The following MACROD2 variants were observed in gnomAD, a reference collection of about 807,000 sequenced individuals.
MACROD2 encodes ADP-ribose glycohydrolase MACROD2.
In MACROD2, 36 loss-of-function variants were observed where a neutral mutation model predicts 70.4. The ratio of observed to expected loss-of-function variants is 0.51; its 90% CI spans 0.39 to 0.68. The LOEUF is 0.68. Ranked by LOEUF, MACROD2 falls within the 30% of genes least tolerant of loss-of-function variation. MACROD2 has a pLI of 0.00. For synonymous variants in MACROD2, 172 were observed against 178.8 expected, an observed-to-expected ratio of 0.96 and a Z score of 0.30; for missense variants, 496 against 538.4, an observed-to-expected ratio of 0.92 and a Z score of 0.78.
At chr20:15,065,430 C>G (rs184508179) in intron 5 of MACROD2, among the ~76,000 whole-genome samples, 3 of 151,900 alleles carry the variant, frequency 2.0e-5, no homozygotes, top group Admixed American at 1.3e-4. Context: ...CCGAGGCGGG[C>G]GGATCACAAG....
intron 7 of MACROD2, among the ~76,000 whole-genome samples, chr20:15,432,535 C>T (rs1390159572): frequency 1.3e-5 from 2 of 152,062 alleles, no homozygotes; most frequent in Non-Finnish European, 2.9e-5. Context: ...TTCTTTCTGC[C>T]TCACAAATGC....
chr20:15,567,471 C>A (rs1046945553), intron 8 of MACROD2, among the ~76,000 whole-genome samples: 3 of 152,132 alleles, frequency 2.0e-5, no homozygotes, highest in Admixed American at 6.5e-5. Flanking sequence ...ATAGAGAATG[C>A]GAATACCTCC....
chr20:14,826,747 C>A (rs906899977), intron 5 of MACROD2, among the ~76,000 whole-genome samples: 2 of 152,082 alleles, frequency 1.3e-5, no homozygotes, highest in South Asian at 4.1e-4. Context: ...ACCCTCCAGT[C>A]GAAGTATTCA....
intron 13 of MACROD2, among the ~76,000 whole-genome samples, chr20:15,970,462 G>T (rs1381740020): frequency 6.6e-6 from 1 of 151,994 alleles, no homozygotes; most frequent in South Asian, 2.1e-4. Context: ...AAGAGTAAAA[G>T]TACCAATTAG....
intron 2 of MACROD2, among the ~76,000 whole-genome samples, chr20:14,034,096 C>T (rs926828453): frequency 1.3e-4 from 20 of 152,114 alleles, no homozygotes; most frequent in African/African-American, 4.3e-4. Flanking sequence ...CTCAGCCTCC[C>T]GACTAGTTGG....
chr20:15,471,136 A>G (rs1416408398), intron 7 of MACROD2, among the ~76,000 whole-genome samples: 1 of 151,860 alleles, frequency 6.6e-6, no homozygotes, highest in Non-Finnish European at 1.5e-5. Flanking sequence ...AAATACTGCT[A>G]CTCATATTTT....
chr20:14,734,231 G>C (rs764848023), intron 5 of MACROD2, among the ~76,000 whole-genome samples: 3 of 151,930 alleles, frequency 2.0e-5, no homozygotes, highest in Non-Finnish European at 4.4e-5. Flanking sequence ...GGGCGTGGTG[G>C]CTCACACCTG....
chr20:14,421,437 A>G (rs1299175613), intron 3 of MACROD2, among the ~76,000 whole-genome samples: 3 of 152,060 alleles, frequency 2.0e-5, no homozygotes, highest in Non-Finnish European at 2.9e-5. Flanking sequence ...TCATTTTTCA[A>G]TTTTAGCAGA....
At chr20:15,546,289 C>T (rs1425067058) in intron 8 of MACROD2, among the ~76,000 whole-genome samples, 1 of 152,192 alleles carries the variant, frequency 6.6e-6, no homozygotes, top group Non-Finnish European at 1.5e-5. Flanking sequence ...ATAGCTAACA[C>T]TTCTTGAACG....
chr20:15,889,380 G>A (rs1418741029), intron 10 of MACROD2, among the ~76,000 whole-genome samples: 1 of 152,120 alleles, frequency 6.6e-6, no homozygotes, highest in Non-Finnish European at 1.5e-5. Flanking sequence ...TACAAGGCAG[G>A]AACTGTTATT....
At chr20:14,133,150 C>T (rs2148700681) in intron 3 of MACROD2, among the ~76,000 whole-genome samples, 1 of 152,234 alleles carries the variant, frequency 6.6e-6, no homozygotes, top group Non-Finnish European at 1.5e-5. Flanking sequence ...GAGGCCCATC[C>T]CATTACCCTG....
At chr20:15,549,785 A>G (rs2146584643) in intron 8 of MACROD2, among the ~76,000 whole-genome samples, 1 of 152,246 alleles carries the variant, frequency 6.6e-6, no homozygotes, top group South Asian at 2.1e-4. Context: ...GACTGTGGGC[A>G]TATTCAGTCA....
At chr20:15,468,266 G>A (rs1362149002) in intron 7 of MACROD2, among the ~76,000 whole-genome samples, 1 of 151,774 alleles carries the variant, frequency 6.6e-6, no homozygotes, top group Non-Finnish European at 1.5e-5. Flanking sequence ...CATGTCAAGA[G>A]GATACTTCCT....
chr20:14,333,799 G>T (rs1465049566), intron 3 of MACROD2, among the ~76,000 whole-genome samples: 1 of 152,092 alleles, frequency 6.6e-6, no homozygotes, highest in Non-Finnish European at 1.5e-5. Flanking sequence ...TCCAAGCAGG[G>T]TATTACTTAA....
chr20:15,802,019 A>G (rs2063730953), intron 8 of MACROD2, among the ~76,000 whole-genome samples: 1 of 152,144 alleles, frequency 6.6e-6, no homozygotes, highest in South Asian at 2.1e-4. Flanking sequence ...GTTGGTGTTT[A>G]GAAATGCTAC....
At chr20:14,012,197 G>A (rs1410170763) in intron 2 of MACROD2, among the ~76,000 whole-genome samples, 4 of 152,132 alleles carry the variant, frequency 2.6e-5, no homozygotes, top group Admixed American at 6.5e-5. Context: ...GTGAGCCACC[G>A]TACTCAGGGT....
At chr20:15,325,020 C>A (rs967006175) in intron 6 of MACROD2, among the ~76,000 whole-genome samples, 1 of 141,574 alleles carries the variant, frequency 7.1e-6, no homozygotes, top group African/African-American at 2.5e-5. Flanking sequence ...CATCTTTGGA[C>A]TTACTGATAA....
intron 7 of MACROD2, among the ~76,000 whole-genome samples, chr20:15,478,434 C>T (rs1248902841): frequency 6.6e-6 from 1 of 152,150 alleles, no homozygotes; most frequent in East Asian, 1.9e-4. Flanking sequence ...TACAACTTGT[C>T]TACTGATGAT....
chr20:15,149,744 G>A (rs906221187), intron 5 of MACROD2, among the ~76,000 whole-genome samples: 1 of 152,044 alleles, frequency 6.6e-6, no homozygotes, highest in Non-Finnish European at 1.5e-5. Context: ...AGGTCAAGTT[G>A]TTTGGACAAA....
Sources: gnomAD v4.1 joint callset for allele counts (sites outside exome capture counted in the v4.1 genomes callset) on GRCh38, gnomAD v4.1.1 for gene constraint, MANE v1.5 for transcripts, NCBI Gene and HGNC (gene_info 2026-07-23, HGNC 2026-07-21) for gene names.